Variants in DCHS2 observed in about 807,000 individuals in gnomAD.
The protein encoded by DCHS2 is protocadherin-23.
A neutral mutation model predicts 182.4 loss-of-function variants in DCHS2; 142 were observed. The ratio of observed to expected loss-of-function variants is 0.78; its 90% CI spans 0.68 to 0.89. DCHS2 has a LOEUF of 0.89. Ranked by LOEUF, DCHS2 falls within the 40% of genes least tolerant of loss-of-function variation. DCHS2 has a pLI of 0.00. For synonymous variants in DCHS2, 1,740 were observed against 1,663.3 expected (o/e 1.05, Z -1.12); for missense variants, 4,319 against 4,198.6 (o/e 1.03, Z -0.79).
chr4:154,261,231 G>T (rs1314468246), intron 14 of DCHS2, among the ~76,000 whole-genome samples: 2 of 152,148 alleles, frequency 1.3e-5, no homozygotes, highest in Non-Finnish European at 2.9e-5. Context: ...ATAAAGCTGA[G>T]TCTCCTTTTC....
At chr4:154,312,913 G>A (rs1388079666) in intron 10 of DCHS2, among the ~76,000 whole-genome samples, 2 of 152,102 alleles carry the variant, frequency 1.3e-5, no homozygotes, top group Non-Finnish European at 2.9e-5. Context: ...TACAATTAAT[G>A]GTGTCTTAGA....
chr4:154,411,489 C>T (rs1732632622), intron 1 of DCHS2, among the ~76,000 whole-genome samples: 1 of 151,648 alleles, frequency 6.6e-6, no homozygotes, highest in Non-Finnish European at 1.5e-5. Flanking sequence ...CCCAGCTACT[C>T]GGGAGGCTGA....
At chr4:154,397,964 G>A (rs1732002874) in intron 1 of DCHS2, among the ~76,000 whole-genome samples, 1 of 152,170 alleles carries the variant, frequency 6.6e-6, no homozygotes, top group Non-Finnish European at 1.5e-5. Context: ...TGGCAAGTGA[G>A]GGGAGAGTTT....
At position 154,366,436 on chromosome 4, in the gene DCHS2, C is replaced by A; in HGVS notation, c.2250G>T (p.Gly750=). The A allele has an allele frequency of 6.2e-7, 1 of 1,611,376 alleles. No individual in the cohort carries two copies. The highest frequency in any genetic ancestry group is 1.1e-5 in the South Asian group (1 of 90,642). ...DLLVEAKDGG[G]LSAQAFVRVD... ...CACGAACAAAGGCTTGGGCACTTAGCCCACCCTGGTGGATGAATGAGTGGT... is the reference window on the plus strand; with the variant it reads ...CACGAACAAAGGCTTGGGCACTTAGACCACCCTGGTGGATGAATGAGTGGT... The change falls in exon 3 of 20, where the codon GGG becomes GGT. Residue 750 remains glycine, a synonymous_variant. Coordinates refer to ENST00000357232, the MANE Select transcript of DCHS2 (RefSeq NM_001358235.2).
chr4:154,367,257 G>T (rs1427943265), intron 2 of DCHS2, among the ~76,000 whole-genome samples: 1 of 152,142 alleles, frequency 6.6e-6, no homozygotes, highest in Non-Finnish European at 1.5e-5. Flanking sequence ...TGTTAACACT[G>T]CTCTAGCTGC....
intron 1 of DCHS2, among the ~76,000 whole-genome samples, chr4:154,473,353 G>A (rs1449047247): frequency 6.6e-6 from 1 of 152,200 alleles, no homozygotes; most frequent in Non-Finnish European, 1.5e-5. Context: ...TATCTGGTTG[G>A]TCATTCGGTC....
At chr4:154,253,335 C>A (rs2111147832) in intron 16 of DCHS2, among the ~76,000 whole-genome samples, 1 of 151,622 alleles carries the variant, frequency 6.6e-6, no homozygotes, top group East Asian at 1.9e-4. Context: ...AATATTGGGA[C>A]CAATTTAATA....
chr4:154,395,180 G>A (rs1246434496), intron 1 of DCHS2, among the ~76,000 whole-genome samples: 1 of 152,144 alleles, frequency 6.6e-6, no homozygotes, highest in East Asian at 1.9e-4. Flanking sequence ...ATATCATTAA[G>A]GGCATTATTA....
chr4:154,385,486 G>A (rs1288374220), intron 1 of DCHS2, among the ~76,000 whole-genome samples: 1 of 151,988 alleles, frequency 6.6e-6, no homozygotes, highest in African/African-American at 2.4e-5. Context: ...CTAGATCCCT[G>A]AGGAATCGCC....
chr4:154,313,133 C>T (rs959381647), intron 10 of DCHS2, among the ~76,000 whole-genome samples: 1 of 152,120 alleles, frequency 6.6e-6, no homozygotes, highest in African/African-American at 2.4e-5. Context: ...AGTTATTTTA[C>T]GTTTGACACC....
At chr4:154,356,624 G>T (rs1171066549) in intron 3 of DCHS2, among the ~76,000 whole-genome samples, 2 of 152,078 alleles carry the variant, frequency 1.3e-5, no homozygotes, top group Non-Finnish European at 2.9e-5. Flanking sequence ...CCTTTACTAT[G>T]TTTAGATATA....
chr4:154,242,742 C>T lies in DCHS2; in HGVS notation c.6972G>A (p.Met2324Ile). 1.2e-6 allele frequency: 2 copies of T among 1,612,372 alleles called. No individual in the cohort carries two copies. Among genetic ancestry groups the T allele is most frequent in the Non-Finnish European group, 1.7e-6 (2 of 1,179,126 alleles). Residue 2324 changes from methionine (M) to isoleucine (I), a missense_variant, in exon 17 of 20, where the codon ATG becomes ATA. Transcript: ENST00000357232. ...TTACAGTCGTATTAGAAAGCCTGGGCATCCCTTTATCTGTGGCTTGGACAA... is the reference window on the plus strand; with the variant it reads ...TTACAGTCGTATTAGAAAGCCTGGGTATCCCTTTATCTGTGGCTTGGACAA... Reference protein sequence around the residue: ...SLIVQATDKGMPRLSNTTVIK... With the variant: ...SLIVQATDKGIPRLSNTTVIK...
At chr4:154,264,672 C>G (rs78508635) in intron 14 of DCHS2, among the ~76,000 whole-genome samples, 1 of 152,088 alleles carries the variant, frequency 6.6e-6, no homozygotes, top group Non-Finnish European at 1.5e-5. Context: ...TCTAGAATTA[C>G]AAGACCAGCA....
Position 154,233,899 on chromosome 4 carries a change from T to C in DCHS2, c.*637A>G, listed in dbSNP as rs1395658828. The C allele has an allele frequency of 6.6e-6, 1 of 152,202 alleles. No homozygotes were observed. Among genetic ancestry groups the C allele is most frequent in the Non-Finnish European group, 1.5e-5 (1 of 68,028 alleles). 9.4% of individuals were successfully genotyped at this position (152,202 alleles called of 1,614,324 possible). A position where few individuals can be genotyped will look rare whatever the true frequency, so the allele number is the denominator to read the frequency against. Reference sequence around the variant, plus strand: ...TATAAATCCTATTTGTTTCTCCCTATTGTCACAGAGTTATGACAAATTTCC... The same window carrying C: ...TATAAATCCTATTTGTTTCTCCCTACTGTCACAGAGTTATGACAAATTTCC... On this transcript the variant is annotated 3_prime_UTR_variant, in exon 20 of 20. Coordinates refer to ENST00000357232, the MANE Select transcript of DCHS2 (RefSeq NM_001358235.2).
In DCHS2 at chr4:154,328,108, A is replaced by G; in HGVS notation, c.4003T>C (p.Tyr1335His). The change falls in exon 7 of 20, where the codon TAC becomes CAC. Residue 1335 changes from tyrosine to histidine, a missense_variant. Coordinates refer to ENST00000357232, the MANE Select transcript of DCHS2 (RefSeq NM_001358235.2). ...PDEGNNAEVT[Y>H]SVSSEDSSDH... ...TAAGTTTTACCTGAAGATACTGAGT[A>G]TGTAACTTCTGCATTATTTCCTTCA... 1 of 1,605,668 alleles carries G rather than the reference A, an allele frequency of 6.2e-7. No individual in the cohort carries two copies. Among genetic ancestry groups the G allele is most frequent in the Non-Finnish European group, 8.5e-7 (1 of 1,175,760 alleles).
intron 3 of DCHS2, among the ~76,000 whole-genome samples, chr4:154,337,131 T>C (rs905656340): frequency 2.0e-5 from 3 of 152,196 alleles, no homozygotes; most frequent in Admixed American, 2.0e-4. Flanking sequence ...TCATCTGTTA[T>C]TGGTGCAGTT....
At position 154,332,562 on chromosome 4, in the gene DCHS2, T is replaced by C. The variant is rs1278020648; in HGVS notation, c.3646A>G (p.Ile1216Val). Residue 1216 changes from isoleucine (I) to valine (V), a missense_variant, in exon 5 of 20, where the codon ATT (isoleucine) becomes GTT (valine). Transcript: ENST00000357232. ...CCATTCTTTCCAGAGTCCATGTCAA[T>C]AGCTGTAATTTTGCCTATTACCCCT... ...PQGVIGKITA[I>V]DMDSGKNGQL... 1 of 1,614,148 alleles carries C rather than the reference T, an allele frequency of 6.2e-7. No homozygotes were observed. The highest frequency in any genetic ancestry group is 8.5e-7 in the Non-Finnish European group (1 of 1,180,004).
At chr4:154,421,830 C>G (rs535316333) in intron 1 of DCHS2, among the ~76,000 whole-genome samples, 2 of 152,334 alleles carry the variant, frequency 1.3e-5, no homozygotes, top group Admixed American at 6.5e-5. Context: ...TTCATATGCT[C>G]TCTTTCTATT....
At chr4:154,485,955 G>A (rs1579127678) in intron 1 of DCHS2, among the ~76,000 whole-genome samples, 3 of 152,278 alleles carry the variant, frequency 2.0e-5, no homozygotes, top group East Asian at 3.9e-4. Context: ...AATCTTTCAG[G>A]CCAAACATGA....
Sources: gnomAD v4.1 joint callset for allele counts (sites outside exome capture counted in the v4.1 genomes callset) on GRCh38, gnomAD v4.1.1 for gene constraint, MANE v1.5 for transcripts, NCBI Gene and HGNC (gene_info 2026-07-23, HGNC 2026-07-21) for gene names.